SPAG16: variants seen among roughly 807,000 people sequenced by gnomAD.
SPAG16 encodes the protein sperm associated antigen 16.
A neutral mutation model predicts 80.4 loss-of-function variants in SPAG16; 86 were observed. The observed-to-expected ratio is 1.07, with a 90% confidence interval of 0.90 to 1.28. The LOEUF (loss-of-function observed/expected upper bound fraction) is 1.28, where lower values mean the gene tolerates loss of function less well. SPAG16 is among the 50% of genes most tolerant of loss of function. The pLI is 0.00. For missense variants in SPAG16, 870 were observed against 765.3 expected, an observed-to-expected ratio of 1.14 and a Z score of -1.61; for synonymous variants, 294 against 265.9, an observed-to-expected ratio of 1.11 and a Z score of -1.03.
intron 15 of SPAG16, among the ~76,000 whole-genome samples, chr2:214,161,691 G>T (rs920100134): frequency 6.6e-6 from 1 of 151,904 alleles, no homozygotes; most frequent in African/African-American, 2.4e-5. Context: ...GGGGTTGATG[G>T]GTAGAGAGAG....
At chr2:213,333,288 A>T (rs534633462) in intron 5 of SPAG16, among the ~76,000 whole-genome samples, 3 of 152,196 alleles carry the variant, frequency 2.0e-5, no homozygotes, top group African/African-American at 7.2e-5. Context: ...ATAGGAAGTA[A>T]CAAGCAAATA....
intron 11 of SPAG16, among the ~76,000 whole-genome samples, chr2:213,902,624 G>C (rs556397671): frequency 6.6e-6 from 1 of 152,124 alleles, no homozygotes; most frequent in Admixed American, 6.5e-5. Context: ...TGAGATTTGG[G>C]TGGGGACACA....
chr2:213,369,911 C>T (rs1279974239), intron 8 of SPAG16, among the ~76,000 whole-genome samples: 1 of 152,024 alleles, frequency 6.6e-6, no homozygotes, highest in East Asian at 1.9e-4. Flanking sequence ...TTAATATCAC[C>T]GAAGTCCATA....
chr2:214,237,685 G>A (rs1689171091), intron 15 of SPAG16, among the ~76,000 whole-genome samples: 1 of 151,908 alleles, frequency 6.6e-6, no homozygotes, highest in African/African-American at 2.4e-5. Context: ...CATAATTCCA[G>A]TTATGAGTTT....
intron 14 of SPAG16, among the ~76,000 whole-genome samples, chr2:214,127,713 C>T (rs2054562474): frequency 6.6e-6 from 1 of 151,826 alleles, no homozygotes; most frequent in East Asian, 1.9e-4. Context: ...TACCCTTTTC[C>T]CTACTGCATC....
rs570685080 is a variant in SPAG16, at chr2:213,966,474, A to G, written c.1400+36329A>G. ...TTAGAAGAGGAGAAGCAAACTTTAT[A>G]TGCTGTATAATCCCTTTAAAAATAT... On this transcript the variant is annotated intron_variant, in intron 12 of 15. Transcript: ENST00000331683. Among the ~76,000 whole-genome samples, 19 of 152,312 alleles carry G rather than the reference A, an allele frequency of 1.2e-4. No individual in the cohort carries two copies. The South Asian group carries it at 1.5e-3, about 12-fold the overall frequency.
In SPAG16 at chr2:213,402,713, G is replaced by T. The variant is rs763072736; in HGVS notation, c.942+27594G>T. Among the ~76,000 whole-genome samples the T allele has an allele frequency of 1.3e-3, 204 of 152,264 alleles. 2 individuals carry two copies. The highest frequency in any genetic ancestry group is 1.9e-3 in the Non-Finnish European group (128 of 68,026). On this transcript the variant is annotated intron_variant, in intron 9 of 15. Transcript: ENST00000331683. ...GTCCTTGCGATAGTTTACAGAGAAT[G>T]ATGGTTTCCAGTTTCATCCATGTCC...
rs181042202 is a variant in SPAG16, at chr2:213,442,467, G to A, written c.943-47496G>A. On this transcript the variant is annotated intron_variant, in intron 9 of 15. Transcript: ENST00000331683. ...TTCAAAAGACAGAACAGCCAACACA[G>A]TATGAAGGAGAACAAAGTTGCAAGA... 1.4e-4 allele frequency among the ~76,000 whole-genome samples: 22 copies of A among 152,232 alleles called. No individual in the cohort carries two copies. In the East Asian group the frequency reaches 4.1e-3, roughly 28 times the overall value.
intron 10 of SPAG16, among the ~76,000 whole-genome samples, chr2:213,800,357 TC>T (rs2071317350): frequency 1.8e-5 from 2 of 111,880 alleles, no homozygotes; most frequent in South Asian, 6.8e-4. Flanking sequence ...CCTCTCTCCC[TC>T]TCTCCCTCTC....
intron 9 of SPAG16, among the ~76,000 whole-genome samples, chr2:213,424,732 T>A (rs981932289): frequency 2.6e-5 from 4 of 152,236 alleles, no homozygotes; most frequent in Admixed American, 6.5e-5. Context: ...GATGCTATAG[T>A]CCTTACATTT....
intron 12 of SPAG16, among the ~76,000 whole-genome samples, chr2:213,982,438 A>G (rs1006038108): frequency 6.6e-6 from 1 of 152,084 alleles, no homozygotes; most frequent in African/African-American, 2.4e-5. Flanking sequence ...TGCCTTTGGA[A>G]TTGAAAGCAA....
chr2:214,148,322 C>T (rs2055765066), intron 14 of SPAG16, among the ~76,000 whole-genome samples: 1 of 151,960 alleles, frequency 6.6e-6, no homozygotes, highest in African/African-American at 2.4e-5. Flanking sequence ...GTAGACAGAC[C>T]CTGGGCTCCA....
At chr2:213,518,436 G>C (rs934855825) in intron 10 of SPAG16, among the ~76,000 whole-genome samples, 1 of 151,970 alleles carries the variant, frequency 6.6e-6, no homozygotes, top group Admixed American at 6.6e-5. Context: ...TTTTTTTCCT[G>C]TAGAGACAAG....
At chr2:213,317,125 C>A in intron 4 of SPAG16, 94 bp from the exon 5 acceptor site, 1 of 675,046 alleles carries the variant, frequency 1.5e-6, no homozygotes, top group Non-Finnish European at 2.5e-6. Flanking sequence ...ATTACTATAA[C>A]ACTCCCTGAG....
chr2:214,148,303 A>C (rs2055763699), intron 14 of SPAG16, among the ~76,000 whole-genome samples: 1 of 152,166 alleles, frequency 6.6e-6, no homozygotes, highest in Non-Finnish European at 1.5e-5. Flanking sequence ...AGAGACCAGC[A>C]GGAGGCGTGT....
rs762702872 is a variant in SPAG16, at chr2:213,350,578, A to G, written c.695A>G (p.Glu232Gly). 4 of 1,602,768 alleles carry G rather than the reference A, an allele frequency of 2.5e-6. No homozygotes were observed. Among genetic ancestry groups the G allele is most frequent in the Admixed American group, 3.5e-5 (2 of 56,930 alleles). Residue 232 changes from glutamate (E) to glycine (G), a missense_variant, in exon 7 of 16, where the codon GAG (glutamate) becomes GGG (glycine). Glu to Gly is a moderately conservative substitution (Grantham distance 98). Transcript: ENST00000331683. ...SYEPTIRVLH[E>G]KHHTLLKEKM... ...GAACCGACTATAAGGGTGTTACATG[A>G]GAAACACCACACTTTACTGAAGGAG...
At position 214,264,593 on chromosome 2, in the gene SPAG16, C is replaced by T. The variant is rs145883068; in HGVS notation, c.1720+115327C>T. On this transcript the variant is annotated intron_variant, in intron 15 of 15. Transcript: ENST00000331683. ...ATTAACATTTTGCATTCGTATGGTACAATTGTTATAACTGATGAAGTAATA... is the reference window on the plus strand; with the variant it reads ...ATTAACATTTTGCATTCGTATGGTATAATTGTTATAACTGATGAAGTAATA... Among the ~76,000 whole-genome samples the T allele has an allele frequency of 4.1e-3, 619 of 152,156 alleles. 4 individuals carry two copies. The highest frequency in any genetic ancestry group is 0.02 in the Middle Eastern group (6 of 294).
intron 15 of SPAG16, among the ~76,000 whole-genome samples, chr2:214,180,393 C>T (rs2057273709): frequency 6.6e-6 from 1 of 151,644 alleles, no homozygotes; most frequent in Non-Finnish European, 1.5e-5. Context: ...TGTGATATTT[C>T]AGTGCAAAAG....
chr2:213,530,176 G>C (rs2076021164), intron 10 of SPAG16, among the ~76,000 whole-genome samples: 1 of 152,130 alleles, frequency 6.6e-6, no homozygotes, highest in African/African-American at 2.4e-5. Flanking sequence ...ATGATAGAAA[G>C]TAAATAATAA....
Sources: gnomAD v4.1 joint callset for allele counts (sites outside exome capture counted in the v4.1 genomes callset) on GRCh38, gnomAD v4.1.1 for gene constraint, MANE v1.5 for transcripts, NCBI Gene and HGNC (gene_info 2026-07-23, HGNC 2026-07-21) for gene names.